ZSCAN12: variants seen among roughly 807,000 people sequenced by gnomAD.
ZSCAN12 encodes the protein zinc finger and SCAN domain containing 12.
Under a neutral mutation model 23.4 loss-of-function variants are expected in ZSCAN12, and 18 were observed. That is an observed-to-expected ratio of 0.77 (90% CI 0.53 to 1.14). The LOEUF is 1.14. Ranked by LOEUF, ZSCAN12 falls within the 50% of genes most tolerant of loss-of-function variation. The pLI is 0.00. For synonymous variants in ZSCAN12, 186 were observed against 253.4 expected (o/e 0.73, Z 2.53); for missense variants, 650 against 735.0 (o/e 0.88, Z 1.34).
Position 28,391,550 on chromosome 6 carries a change from G to C in ZSCAN12, c.740C>G (p.Thr247Ser), listed in dbSNP as rs370048592. The part of the protein sequence containing the change: ...SACSREDKQP[T>S]CDENGVSLTE... ...CAGGCTTACTCCATTTTCATCACAG[G>C]TAGGTTGTTTATCTTCTCTGGAGCA... is the stretch of plus-strand genomic sequence containing the variant. Residue 247 changes from threonine to serine, a missense_variant, in exon 4 of 4, where the codon ACC becomes AGC. Physicochemically the swap from Thr to Ser is moderately conservative, Grantham distance 58 (BLOSUM62 1). Coordinates refer to ENST00000684592, the MANE Select transcript of ZSCAN12 (RefSeq NM_001163391.2). This position sits in a 1 kb window ranked among gnomAD's most constrained non-coding sequence, Gnocchi z 4.1. The C allele has an allele frequency of 4.1e-5, 64 of 1,552,106 alleles. 2 individuals carry two copies. The East Asian group carries it at 6.1e-4, about 15-fold the overall frequency.
downstream of ZSCAN12, among the ~76,000 whole-genome samples, chr6:28,383,307 A>C (rs895644767): frequency 6.6e-6 from 1 of 152,134 alleles, no homozygotes; most frequent in Admixed American, 6.5e-5. Flanking sequence ...GGCAGCTCTC[A>C]ACCTATCAGG....
At position 28,392,644 on chromosome 6, in the gene ZSCAN12, G is replaced by GGTCA. The variant is rs1194265362; in HGVS notation, c.547+254_547+257dup. The stretch of plus-strand genomic sequence containing the variant: ...GGATAAAGGCTAAAAATAGCAAGGA[G>GGTCA]GTCAGTATAAAGAGAGATAAATATC... On this transcript the variant is annotated intron_variant, in intron 3 of 3. Coordinates refer to ENST00000684592, the MANE Select transcript of ZSCAN12 (RefSeq NM_001163391.2). 3.3e-5 allele frequency among the ~76,000 whole-genome samples: 5 copies of GGTCA among 152,192 alleles called. No homozygotes were observed. The East Asian group carries it at 9.7e-4, about 29-fold the overall frequency.
At chr6:28,398,568 C>T (rs1417419699) in intron 1 of ZSCAN12, 95 bp from the exon 2 acceptor site, 4 of 652,116 alleles carry the variant, frequency 6.1e-6, no homozygotes, top group Non-Finnish European at 7.4e-6. Context: ...ATCTGACCTC[C>T]GGATTAATGT....
rs1310800920 is a variant in ZSCAN12, at chr6:28,391,159, G to C, written c.1131C>G (p.Ile377Met). 1 of 1,551,998 alleles carries C rather than the reference G, an allele frequency of 6.4e-7. No homozygotes were observed. The highest frequency in any genetic ancestry group is 8.7e-7 in the Non-Finnish European group (1 of 1,147,074). The change falls in exon 4 of 4, where the codon ATC becomes ATG. Residue 377 changes from isoleucine to methionine, a missense_variant. Physicochemically the swap from Ile to Met is conservative, Grantham distance 10 (BLOSUM62 1). Transcript: ENST00000684592. The surrounding 1 kb of genome is among the most constrained non-coding windows in gnomAD (Gnocchi z 4.1). ...AAGGTTTGTCTCTTGTGTGGATCTT[G>C]ATATGGTGAAAGAGGCCTGCTTTCT... is the stretch of plus-strand genomic sequence containing the variant. ...FSQKAGLFHH[I>M]KIHTRDKPYQ...
rs1268917042 is a variant in ZSCAN12 at position 28,388,632 on chromosome 6, G to A, written c.*1822C>T. 6.6e-6 allele frequency among the ~76,000 whole-genome samples: 1 copy of A among 152,108 alleles called. No homozygotes were observed. Among genetic ancestry groups the A allele is most frequent in the Admixed American group, 6.5e-5 (1 of 15,274 alleles). ...ACAGGGCTGTGTAGAAAGGTAATTA[G>A]GAGTGGGACTTACTAAGGAAGAATG... On this transcript the variant is annotated 3_prime_UTR_variant, in exon 4 of 4. Transcript: ENST00000684592.
intron 1 of ZSCAN12, 133 bp from the exon 2 acceptor site, chr6:28,398,606 A>G (rs1761248067): frequency 9.5e-6 from 5 of 524,954 alleles, no homozygotes; most frequent in Non-Finnish European, 1.6e-5. Flanking sequence ...AAATACTCTG[A>G]TAGAAAAGAC....
chr6:28,396,105 G>T (rs376262966), intron 2 of ZSCAN12, among the ~76,000 whole-genome samples: 2 of 149,258 alleles, frequency 1.3e-5, no homozygotes, highest in East Asian at 4.0e-4. Context: ...CTGCAGCCTC[G>T]ATCTCCTGGG....
downstream of ZSCAN12, chr6:28,382,603 C>T (rs1358097672): frequency 3.9e-6 from 6 of 1,551,408 alleles, no homozygotes; most frequent in Non-Finnish European, 5.2e-6. Context: ...TGTAGCTGGT[C>T]TTCTTCCTGA....
Position 28,390,451 on chromosome 6 carries a change from T to A in ZSCAN12, c.*3A>T. ...ACTCTGTGAGATAACTTCCCTGTAG[T>A]CATCACACAGAAACAGATTTTTCTC... On this transcript the variant is annotated 3_prime_UTR_variant, in exon 4 of 4. Coordinates refer to ENST00000684592, the MANE Select transcript of ZSCAN12 (RefSeq NM_001163391.2). The A allele has an allele frequency of 6.5e-7, 1 of 1,530,118 alleles. No homozygotes were observed. Among genetic ancestry groups the A allele is most frequent in the Non-Finnish European group, 8.8e-7 (1 of 1,136,696 alleles). 94.8% of individuals were successfully genotyped at this position (1,530,118 alleles called of 1,614,324 possible). A position where few individuals can be genotyped will look rare whatever the true frequency, so the allele number is the denominator to read the frequency against.
Position 28,393,115 on chromosome 6 carries a change from G to A in ZSCAN12, c.403-69C>T. 2.0e-6 allele frequency: 3 copies of A among 1,484,840 alleles called. No homozygotes were observed. In the South Asian group the frequency reaches 3.9e-5, roughly 19 times the overall value. The allele number at this position is 1,484,840 out of a possible 1,614,324, so 92.0% of individuals were successfully genotyped here. On this transcript the variant is annotated intron_variant, in intron 2 of 3. Coordinates refer to ENST00000684592, the MANE Select transcript of ZSCAN12 (RefSeq NM_001163391.2). ...GAAAACAAAAAGTATACTATTTGTG[G>A]CAGTGGCTGAACCCTGAAATGACCT...
chr6:28,394,808 A>G (rs912486515), intron 2 of ZSCAN12, among the ~76,000 whole-genome samples: 2 of 152,112 alleles, frequency 1.3e-5, no homozygotes, highest in African/African-American at 4.8e-5. Context: ...GCGTATTCTG[A>G]AAAGCCCCAA....
At chr6:28,384,283 C>T (rs1760437600), downstream of ZSCAN12, among the ~76,000 whole-genome samples, 1 of 152,084 alleles carries the variant, frequency 6.6e-6, no homozygotes, top group African/African-American at 2.4e-5. Flanking sequence ...GGCACTAGAT[C>T]AAAACACTAA....
chr6:28,399,570 C>A (rs553037726), intron 1 of ZSCAN12, 87 bp downstream of exon 1: 6 of 152,644 alleles, frequency 3.9e-5, no homozygotes, highest in Non-Finnish European at 8.8e-5. Context: ...CCACTCTGCA[C>A]CGGCCAGGGC....
In ZSCAN12 at chr6:28,391,683, T is replaced by C; in HGVS notation, c.607A>G (p.Met203Val). The change falls in exon 4 of 4, where the codon ATG becomes GTG. Residue 203 changes from methionine to valine, a missense_variant. Coordinates refer to ENST00000684592, the MANE Select transcript of ZSCAN12 (RefSeq NM_001163391.2). The surrounding 1 kb of genome is among the most constrained non-coding windows in gnomAD (Gnocchi z 4.1). ...CTGGATGTCTTCCCATGTGGTTCCA[T>C]TTCTTCAGAAACTTCTTGCTTTAAA... ...GNLKQEVSEEMEPHGKTSSKF... is the reference protein window; with the variant it reads ...GNLKQEVSEEVEPHGKTSSKF... 1.9e-6 allele frequency: 3 copies of C among 1,548,262 alleles called. No homozygotes were observed. Among genetic ancestry groups the C allele is most frequent in the Non-Finnish European group, 2.6e-6 (3 of 1,146,522 alleles).
At chr6:28,381,099 T>C (rs894664577), downstream of ZSCAN12, 1 of 152,098 alleles carries the variant, frequency 6.6e-6, no homozygotes, top group Admixed American at 6.5e-5. Context: ...TGGAAGTGCA[T>C]GGAAGACTTT....
At position 28,385,815 on chromosome 6, in the gene ZSCAN12, G is replaced by A. The variant is rs1027145307; in HGVS notation, c.*4639C>T. Among the ~76,000 whole-genome samples the A allele has an allele frequency of 6.6e-6, 1 of 152,148 alleles. No homozygotes were observed. The highest frequency in any genetic ancestry group is 2.4e-5 in the African/African-American group (1 of 41,442). On this transcript the variant is annotated 3_prime_UTR_variant, in exon 4 of 4. Coordinates refer to ENST00000684592, the MANE Select transcript of ZSCAN12 (RefSeq NM_001163391.2). ...TGGCCAATAAGAACAGCTTTGTTTT[G>A]ACTATAACAACTCTACAAATAATCT...
rs1409791724 is a variant in ZSCAN12, at chr6:28,387,542, A to G, written c.*2912T>C. On this transcript the variant is annotated 3_prime_UTR_variant, in exon 4 of 4. Coordinates refer to ENST00000684592, the MANE Select transcript of ZSCAN12 (RefSeq NM_001163391.2). ...CTAAGTAAAGTCCCCTCCACTGAGA[A>G]GAGTTTCTAACAGTGAAACAGCAAA... Among the ~76,000 whole-genome samples, 3 of 152,250 alleles carry G rather than the reference A, an allele frequency of 2.0e-5. No individual in the cohort carries two copies. Among genetic ancestry groups the G allele is most frequent in the Non-Finnish European group, 4.4e-5 (3 of 68,038 alleles).
chr6:28,382,957 C>T (rs1372733026), downstream of ZSCAN12, among the ~76,000 whole-genome samples: 1 of 98,390 alleles, frequency 1.0e-5, no homozygotes, highest in Non-Finnish European at 2.0e-5. Context: ...CCTGTATAAA[C>T]GGCAGAGATA....
At position 28,391,834 on chromosome 6, in the gene ZSCAN12, A is replaced by T; in HGVS notation, c.548-92T>A. 9.1e-7 allele frequency: 1 copy of T among 1,094,392 alleles called. No homozygotes were observed. 67.8% of individuals were successfully genotyped at this position (1,094,392 alleles called of 1,614,324 possible). A position where few individuals can be genotyped will look rare whatever the true frequency, so the allele number is the denominator to read the frequency against. The stretch of plus-strand genomic sequence containing the variant: ...GCAGCTGTTTAGAAATAAAAAATGC[A>T]AGAGTCTACCATCTTAGTGATAAAG... On this transcript the variant is annotated intron_variant, in intron 3 of 3. Transcript: ENST00000684592. The surrounding 1 kb of genome is among the most constrained non-coding windows in gnomAD (Gnocchi z 4.1).
Sources: allele counts gnomAD v4.1 joint callset (sites outside exome capture counted in the v4.1 genomes callset), GRCh38; gene constraint gnomAD v4.1.1; non-coding constraint Gnocchi (gnomAD v3.1); transcripts MANE v1.5; gene names NCBI Gene and HGNC (gene_info 2026-07-23, HGNC 2026-07-21).